The following PPP2R3A variants were observed in gnomAD, a reference collection of about 807,000 sequenced individuals.
PPP2R3A encodes protein phosphatase 2 regulatory subunit B''alpha.
A neutral mutation model predicts 106.9 loss-of-function variants in PPP2R3A; 80 were observed. The observed-to-expected ratio is 0.75, with a 90% CI of 0.62 to 0.90. The LOEUF is 0.90. Among genes scored for constraint, PPP2R3A ranks in the 40% least tolerant of loss-of-function variants. The pLI, the probability that PPP2R3A is intolerant of heterozygous loss-of-function variation, is 0.00. For missense variants in PPP2R3A, 1,386 were observed against 1,350.4 expected (o/e 1.03, Z -0.41); for synonymous variants, 483 against 468.3 (o/e 1.03, Z -0.41).
chr3:135,997,780 T>C (rs1933459468), intron 1 of PPP2R3A, among the ~76,000 whole-genome samples: 1 of 152,232 alleles, frequency 6.6e-6, no homozygotes, highest in Non-Finnish European at 1.5e-5. Context: ...CTATGGATTC[T>C]TCCTCCTGGG....
intron 8 of PPP2R3A, among the ~76,000 whole-genome samples, chr3:136,086,516 C>A (rs1176667448): frequency 2.0e-5 from 3 of 152,118 alleles, no homozygotes; most frequent in Non-Finnish European, 4.4e-5. Context: ...ACCAGACTGT[C>A]CCTAATGAGA....
chr3:136,083,715 C>CCTAGAGA (rs1216738782), intron 8 of PPP2R3A, among the ~76,000 whole-genome samples: 1 of 152,170 alleles, frequency 6.6e-6, no homozygotes, highest in Non-Finnish European at 1.5e-5. Flanking sequence ...TTTGGAACTT[C>CCTAGAGA]CTAGAGACTT....
intron 13 of PPP2R3A, among the ~76,000 whole-genome samples, chr3:136,135,278 G>A (rs1237147000): frequency 6.6e-6 from 1 of 152,052 alleles, no homozygotes; most frequent in Non-Finnish European, 1.5e-5. Flanking sequence ...GAACACATGT[G>A]GGTTATGAGG....
intron 2 of PPP2R3A, among the ~76,000 whole-genome samples, chr3:136,005,643 C>T (rs1933815899): frequency 6.6e-6 from 1 of 151,956 alleles, no homozygotes; most frequent in Non-Finnish European, 1.5e-5. Flanking sequence ...TTTTTTCCCA[C>T]ATGACACATT....
chr3:136,069,320 TA>T (rs1936357421), intron 5 of PPP2R3A, among the ~76,000 whole-genome samples: 2 of 152,176 alleles, frequency 1.3e-5, no homozygotes, highest in Non-Finnish European at 2.9e-5. Flanking sequence ...CTCATGCCTG[TA>T]ATCCCAGCAC....
intron 5 of PPP2R3A, among the ~76,000 whole-genome samples, chr3:136,056,647 A>T (rs1236527211): frequency 6.6e-6 from 1 of 152,108 alleles, no homozygotes; most frequent in Non-Finnish European, 1.5e-5. Flanking sequence ...CATAGGGGTA[A>T]GGCTGCGTGA....
At chr3:136,106,815 T>G (rs1937525193) in intron 13 of PPP2R3A, 1 of 152,544 alleles carries the variant, frequency 6.6e-6, no homozygotes, top group East Asian at 1.9e-4. Context: ...TCCCAGCTAC[T>G]TGGAAGGCTG....
At chr3:135,999,287 G>A (rs753409083) in intron 1 of PPP2R3A, among the ~76,000 whole-genome samples, 39 of 152,186 alleles carry the variant, frequency 2.6e-4, no homozygotes, top group Non-Finnish European at 4.4e-4. Context: ...CGTTGAAACA[G>A]ACTGACAAGG....
At chr3:135,975,943 TGAA>T (rs1370677841) in intron 1 of PPP2R3A, among the ~76,000 whole-genome samples, 4 of 152,242 alleles carry the variant, frequency 2.6e-5, no homozygotes, top group African/African-American at 9.6e-5. Flanking sequence ...CACCAATTTG[TGAA>T]TTTTTGCCTC....
intron 11 of PPP2R3A, 119 bp downstream of exon 11, chr3:136,102,301 C>T (rs1576311576): frequency 1.2e-6 from 1 of 860,672 alleles, no homozygotes; most frequent in East Asian, 3.3e-5. Context: ...CTTCCTAGGA[C>T]AGAAGTGTTT....
intron 2 of PPP2R3A, among the ~76,000 whole-genome samples, chr3:136,013,517 A>G (rs1349167499): frequency 6.6e-6 from 1 of 151,886 alleles, no homozygotes; most frequent in Non-Finnish European, 1.5e-5. Flanking sequence ...AATATCTACT[A>G]TTTTTTGATT....
chr3:136,116,329 A>G (rs1248942736), intron 13 of PPP2R3A, among the ~76,000 whole-genome samples: 2 of 152,230 alleles, frequency 1.3e-5, no homozygotes, highest in Non-Finnish European at 2.9e-5. Context: ...AAGAAACTGC[A>G]TCAACTAACG....
intron 3 of PPP2R3A, among the ~76,000 whole-genome samples, chr3:136,028,499 A>G (rs577338896): frequency 1.3e-5 from 2 of 152,360 alleles, no homozygotes; most frequent in South Asian, 2.1e-4. Context: ...CTGAAGTCAC[A>G]GAGCTAGTTC....
intron 12 of PPP2R3A, among the ~76,000 whole-genome samples, chr3:136,104,456 A>G (rs1393337992): frequency 6.6e-6 from 1 of 151,814 alleles, no homozygotes; most frequent in East Asian, 1.9e-4. Context: ...ACAGGCATGC[A>G]CCACCACACC....
chr3:136,077,260 A>T (rs1936628327), intron 6 of PPP2R3A, among the ~76,000 whole-genome samples: 2 of 152,190 alleles, frequency 1.3e-5, no homozygotes, highest in Admixed American at 1.3e-4. Flanking sequence ...TCCTGATGCT[A>T]GTTTTTCCCT....
intron 1 of PPP2R3A, among the ~76,000 whole-genome samples, chr3:135,979,558 A>G (rs559740861): frequency 2.0e-5 from 3 of 151,878 alleles, no homozygotes; most frequent in African/African-American, 7.3e-5. Context: ...GGTCCCTTTA[A>G]CTGAAGTACA....
chr3:136,003,315 T>C lies in PPP2R3A; in HGVS notation c.1817T>C (p.Val606Ala), dbSNP rs775670685. 1.9e-6 allele frequency: 3 copies of C among 1,613,826 alleles called. No individual in the cohort carries two copies. The South Asian group carries it at 3.3e-5, about 18-fold the overall frequency. The change falls in exon 2 of 14, where the codon GTT becomes GCT. Residue 606 changes from valine (V) to alanine (A), a missense_variant. Val to Ala is a moderately conservative substitution (Grantham distance 64, BLOSUM62 0). Transcript: ENST00000264977. ...ATTGAAGACTTTGCTCAAGAACTAG[T>C]TGAATGCAAATCAAGCAGAGGGAGC... is the stretch of plus-strand genomic sequence containing the variant. ...ESIEDFAQEL[V>A]ECKSSRGSLS...
At chr3:136,090,805 C>A in intron 10 of PPP2R3A, 138 bp downstream of exon 10, 1 of 620,136 alleles carries the variant, frequency 1.6e-6, no homozygotes. Flanking sequence ...TCTGCCGTCT[C>A]GGAGCTCTCC....
intron 6 of PPP2R3A, among the ~76,000 whole-genome samples, chr3:136,075,705 A>G (rs575978370): frequency 8.5e-5 from 13 of 152,302 alleles, no homozygotes; most frequent in African/African-American, 2.4e-4. Context: ...TAAATAATAT[A>G]AAGTATTTGA....
Sources: allele counts gnomAD v4.1 joint callset (sites outside exome capture counted in the v4.1 genomes callset), GRCh38; gene constraint gnomAD v4.1.1; transcripts MANE v1.5; gene names NCBI Gene and HGNC (gene_info 2026-07-23, HGNC 2026-07-21).